The following CSMD1 variants were observed in gnomAD, a reference collection of about 807,000 sequenced individuals.
The protein encoded by CSMD1 is CUB and Sushi multiple domains 1.
A neutral mutation model predicts 417.5 loss-of-function variants in CSMD1; 213 were observed. The ratio of observed to expected loss-of-function variants is 0.51; its 90% CI spans 0.46 to 0.57. CSMD1 has a LOEUF of 0.57. CSMD1 is among the 20% of genes least tolerant of loss of function. The pLI is 0.00. For missense variants in CSMD1, 6,923 were observed against 4,529.7 expected (o/e 1.53, Z -15.17); for synonymous variants, 2,862 against 1,736.8 (o/e 1.65, Z -16.11).
At chr8:4,541,035 G>A (rs17070552) in intron 2 of CSMD1, among the ~76,000 whole-genome samples, 9,602 of 152,240 alleles carry the variant, frequency 0.063, 553 homozygotes, top group African/African-American at 0.15. Context: ...TTAGCAAAAT[G>A]TTTCACAAAC....
intron 5 of CSMD1, among the ~76,000 whole-genome samples, chr8:3,919,956 C>G (rs988689646): frequency 4.6e-5 from 7 of 151,582 alleles, no homozygotes; most frequent in African/African-American, 9.7e-5. Context: ...ACAACTGAGT[C>G]TTGTATTTTT....
At chr8:4,148,966 CT>C (rs33925411) in intron 3 of CSMD1, among the ~76,000 whole-genome samples, 72,862 of 145,636 alleles carry the variant, frequency 0.5, 19,930 homozygotes, top group Non-Finnish European at 0.62. Flanking sequence ...TTCATATTAA[CT>C]TTTTTTTTTT....
chr8:4,383,465 T>G (rs1385502688), intron 3 of CSMD1, among the ~76,000 whole-genome samples: 1 of 152,198 alleles, frequency 6.6e-6, no homozygotes, highest in Non-Finnish European at 1.5e-5. Flanking sequence ...TTCCTAATAC[T>G]TCATACACAG....
chr8:3,223,835 C>G lies in CSMD1; in HGVS notation c.4378G>C (p.Gly1460Arg). The change falls in exon 28 of 70, where the codon GGT becomes CGT. Residue 1460 changes from glycine (G) to arginine (R), a missense_variant. Transcript: ENST00000635120. Reference sequence around the variant, plus strand: ...GGGTAGTTGGGTGACAAAATAACACCTGCTGGGCCCGTCAGATTCCCTCCA... The same window carrying G: ...GGGTAGTTGGGTGACAAAATAACACGTGCTGGGCCCGTCAGATTCCCTCCA... ...ACGGNLTGPAGVILSPNYPQP... is the reference protein window; with the variant it reads ...ACGGNLTGPARVILSPNYPQP... 1 of 1,613,784 alleles carries G rather than the reference C, an allele frequency of 6.2e-7. No homozygotes were observed. The highest frequency in any genetic ancestry group is 8.5e-7 in the Non-Finnish European group (1 of 1,179,824).
intron 1 of CSMD1, among the ~76,000 whole-genome samples, chr8:4,949,529 T>A (rs1309994552): frequency 1.3e-5 from 2 of 152,196 alleles, no homozygotes; most frequent in East Asian, 3.9e-4. Context: ...TATGCTGCAA[T>A]GTCCAGACGT....
chr8:4,296,415 T>C (rs112951272), intron 3 of CSMD1, among the ~76,000 whole-genome samples: 3,693 of 152,266 alleles, frequency 0.024, 154 homozygotes, highest in African/African-American at 0.085. Flanking sequence ...TAAAGGGTTA[T>C]CACAAGAGTG....
intron 8 of CSMD1, among the ~76,000 whole-genome samples, chr8:3,593,160 G>T (rs1800935454): frequency 6.6e-6 from 1 of 152,228 alleles, no homozygotes; most frequent in South Asian, 2.1e-4. Flanking sequence ...ATGGTGGCGT[G>T]GAGGCTGTGG....
chr8:3,307,683 T>G lies in CSMD1; in HGVS notation c.3950+12A>C. On this transcript the variant is annotated intron_variant, in intron 25 of 69. Transcript: ENST00000635120. ...TTTTCTCAAATCACTGAAACCAAAA[T>G]AAAACAAGTACCTAATGGTCTTTCC... 6.2e-7 allele frequency: 1 copy of G among 1,611,412 alleles called. No homozygotes were observed. The highest frequency in any genetic ancestry group is 2.2e-5 in the East Asian group (1 of 44,792).
chr8:3,909,567 C>T (rs1808324344), intron 5 of CSMD1, among the ~76,000 whole-genome samples: 1 of 152,002 alleles, frequency 6.6e-6, no homozygotes, highest in Non-Finnish European at 1.5e-5. Flanking sequence ...GAGGTGGGTG[C>T]CTTTTCGTGG....
intron 10 of CSMD1, among the ~76,000 whole-genome samples, chr8:3,529,292 A>G (rs1475573736): frequency 1.3e-5 from 2 of 152,210 alleles, no homozygotes; most frequent in South Asian, 2.1e-4. Context: ...ATTAATTTGA[A>G]GAATGCAAAA....
chr8:3,041,186 A>G (rs536241192), intron 50 of CSMD1, among the ~76,000 whole-genome samples: 1 of 152,314 alleles, frequency 6.6e-6, no homozygotes, highest in South Asian at 2.1e-4. Flanking sequence ...ATAAAAAGGA[A>G]ATTTTACAGG....
chr8:4,400,225 A>G (rs1343014011), intron 3 of CSMD1, among the ~76,000 whole-genome samples: 3 of 152,230 alleles, frequency 2.0e-5, no homozygotes, highest in Admixed American at 1.3e-4. Flanking sequence ...TGGAAGTTGC[A>G]AACTTATGGA....
At chr8:4,446,505 C>T (rs549557451) in intron 2 of CSMD1, among the ~76,000 whole-genome samples, 1 of 152,162 alleles carries the variant, frequency 6.6e-6, no homozygotes, top group Non-Finnish European at 1.5e-5. Context: ...TGTGATCAGG[C>T]CACTGCACTC....
chr8:3,807,315 C>G (rs962054086), intron 5 of CSMD1, among the ~76,000 whole-genome samples: 3 of 152,140 alleles, frequency 2.0e-5, no homozygotes, highest in Non-Finnish European at 2.9e-5. Flanking sequence ...AATACAGTAT[C>G]TGGTTTTGTA....
intron 2 of CSMD1, among the ~76,000 whole-genome samples, chr8:4,578,332 A>ATTTTTCTT (rs1799238990): frequency 1.6e-4 from 8 of 48,768 alleles, no homozygotes; most frequent in African/African-American, 4.6e-4. Context: ...CACCCGGCTC[A>ATTTTTCTT]TTTTTTTTTT....
At chr8:3,399,652 G>T (rs1397742541) in intron 15 of CSMD1, 123 bp from the exon 16 acceptor site, 1 of 694,464 alleles carries the variant, frequency 1.4e-6, no homozygotes, top group South Asian at 3.1e-5. Flanking sequence ...AAGTATCAAA[G>T]CAAATCTTAT....
At chr8:4,346,717 A>G (rs1563078302) in intron 3 of CSMD1, among the ~76,000 whole-genome samples, 1 of 152,154 alleles carries the variant, frequency 6.6e-6, no homozygotes, top group Non-Finnish European at 1.5e-5. Flanking sequence ...CGTATTATTT[A>G]TAATTATATT....
chr8:4,924,831 T>G (rs1487697399), intron 1 of CSMD1, among the ~76,000 whole-genome samples: 1 of 151,862 alleles, frequency 6.6e-6, no homozygotes, highest in Non-Finnish European at 1.5e-5. Context: ...CATATTAAGA[T>G]TATTACAGTT....
chr8:4,570,175 G>A (rs527487813), intron 2 of CSMD1, among the ~76,000 whole-genome samples: 4 of 152,206 alleles, frequency 2.6e-5, no homozygotes, highest in Non-Finnish European at 4.4e-5. Context: ...CCAACACTAC[G>A]TTGAATAGCA....
Sources: gnomAD v4.1 joint callset for allele counts (sites outside exome capture counted in the v4.1 genomes callset) on GRCh38, gnomAD v4.1.1 for gene constraint, MANE v1.5 for transcripts, NCBI Gene and HGNC (gene_info 2026-07-23, HGNC 2026-07-21) for gene names.